SMIM31: variants seen among roughly 807,000 people sequenced by gnomAD.
SMIM31 encodes the protein small integral membrane protein 31.
At chr4:164,772,430 C>G (rs1321457823) in intron 2 of SMIM31, among the ~76,000 whole-genome samples, 1 of 152,076 alleles carries the variant, frequency 6.6e-6, no homozygotes, top group Non-Finnish European at 1.5e-5. Flanking sequence ...AGATCCAAAC[C>G]GTTATCAGGA....
At chr4:164,772,464 G>A (rs1732817928) in intron 2 of SMIM31, among the ~76,000 whole-genome samples, 1 of 152,258 alleles carries the variant, frequency 6.6e-6, no homozygotes, top group Admixed American at 6.5e-5. Context: ...AGGGCAGAAC[G>A]CGAAGCACTT....
chr4:164,799,979 C>T (rs868246439), intron 2 of SMIM31, among the ~76,000 whole-genome samples: 13 of 152,294 alleles, frequency 8.5e-5, no homozygotes, highest in Middle Eastern at 6.8e-3. Context: ...CTTTAAGGCT[C>T]ACCCAACACA....
intron 2 of SMIM31, among the ~76,000 whole-genome samples, chr4:164,796,139 C>T (rs1183693108): frequency 6.6e-6 from 1 of 152,222 alleles, no homozygotes; most frequent in Admixed American, 6.5e-5. Context: ...AAATCCTCAA[C>T]TAGCCCATCA....
chr4:164,795,863 C>T (rs1733188640), intron 2 of SMIM31, among the ~76,000 whole-genome samples: 1 of 152,132 alleles, frequency 6.6e-6, no homozygotes, highest in African/African-American at 2.4e-5. Flanking sequence ...ACAACCTCTG[C>T]CCTCCAAGAA....
chr4:164,792,801 C>G (rs547498328), intron 2 of SMIM31, among the ~76,000 whole-genome samples: 1 of 152,180 alleles, frequency 6.6e-6, no homozygotes, highest in South Asian at 2.1e-4. Flanking sequence ...AATCTCAAGG[C>G]ACCCTAGTCA....
rs758951225 is a variant in SMIM31 at position 164,768,427 on chromosome 4, C to CAAAAAA, written c.-25-1981_-25-1976dup. On this transcript the variant is annotated intron_variant, in intron 1 of 2. Transcript: ENST00000507311. ...CTGGGTGACGAGCAACAGTACATCTCAAAAAAAAAAAAAAAAGAATGAGGA... is the reference window on the plus strand; with the variant it reads ...CTGGGTGACGAGCAACAGTACATCTCAAAAAAAAAAAAAAAAAAAAAAGAATGAGGA... 3.5e-3 allele frequency among the ~76,000 whole-genome samples: 332 copies of CAAAAAA among 94,574 alleles called. 33 individuals carry two copies. Among genetic ancestry groups the CAAAAAA allele is most frequent in the Non-Finnish European group, 4.6e-3 (226 of 49,004 alleles). 62.0% of individuals were successfully genotyped at this position (94,574 alleles called of 152,430 possible). A position where few individuals can be genotyped will look rare whatever the true frequency, so the allele number is the denominator to read the frequency against.
At chr4:164,798,230 A>ATTT (rs70952644) in intron 2 of SMIM31, among the ~76,000 whole-genome samples, 18 of 146,946 alleles carry the variant, frequency 1.2e-4, no homozygotes, top group East Asian at 4.0e-4. Flanking sequence ...AATGATTTTT[A>ATTT]TTTTTTTTTT....
intron 2 of SMIM31, among the ~76,000 whole-genome samples, chr4:164,798,330 T>C (rs1579075842): frequency 6.6e-6 from 1 of 151,870 alleles, no homozygotes; most frequent in African/African-American, 2.4e-5. Flanking sequence ...GCCTCCTGGG[T>C]TCACGCCATT....
At chr4:164,755,547 AG>A (rs1732549180) in intron 1 of SMIM31, among the ~76,000 whole-genome samples, 6 of 1,824 alleles carry the variant, frequency 3.3e-3, no homozygotes, top group Non-Finnish European at 0.023. Flanking sequence ...AGAGGAGGGG[AG>A]GGGAGGGGAG....
At chr4:164,797,429 T>C (rs1039146187) in intron 2 of SMIM31, among the ~76,000 whole-genome samples, 4 of 151,488 alleles carry the variant, frequency 2.6e-5, no homozygotes, top group Non-Finnish European at 4.4e-5. Context: ...TATATATGTA[T>C]GTATGTATTT....
intron 2 of SMIM31, among the ~76,000 whole-genome samples, chr4:164,795,567 A>C (rs1733179647): frequency 6.6e-6 from 1 of 150,654 alleles, no homozygotes. Flanking sequence ...TCAAAAAAAA[A>C]AAAAAAAAAA....
chr4:164,754,551 A>ATTT (rs57916805), intron 1 of SMIM31, 140 bp downstream of exon 1: 602 of 55,474 alleles, frequency 0.011, 7 homozygotes, highest in African/African-American at 0.026. Flanking sequence ...TCCTGGAGGT[A>ATTT]TTTTTTTTTT....
intron 2 of SMIM31, among the ~76,000 whole-genome samples, chr4:164,774,443 A>G (rs1732855120): frequency 6.6e-6 from 1 of 152,202 alleles, no homozygotes; most frequent in Admixed American, 6.5e-5. Context: ...CCTATCCAAT[A>G]AAGAAGAGAT....
intron 2 of SMIM31, among the ~76,000 whole-genome samples, chr4:164,774,994 T>C (rs2110938388): frequency 6.6e-6 from 1 of 152,336 alleles, no homozygotes; most frequent in South Asian, 2.1e-4. Context: ...TCTACTTACT[T>C]GTAGGAAATG....
At chr4:164,758,622 CTTTTTTTG>C (rs1732598819) in intron 1 of SMIM31, among the ~76,000 whole-genome samples, 1 of 105,390 alleles carries the variant, frequency 9.5e-6, no homozygotes, top group Non-Finnish European at 1.9e-5. Flanking sequence ...TGTAGTTTTC[CTTTTTTTG>C]TTTTTTTTTT....
At chr4:164,773,902 C>T (rs1368043842) in intron 2 of SMIM31, among the ~76,000 whole-genome samples, 1 of 152,142 alleles carries the variant, frequency 6.6e-6, no homozygotes, top group African/African-American at 2.4e-5. Context: ...TGCGGTGGCT[C>T]ACGCCTGTAA....
intron 2 of SMIM31, among the ~76,000 whole-genome samples, chr4:164,792,451 T>C (rs967149177): frequency 1.3e-5 from 2 of 152,194 alleles, no homozygotes; most frequent in African/African-American, 4.8e-5. Flanking sequence ...TTTCACAGTT[T>C]ATTTAATTAA....
intron 1 of SMIM31, among the ~76,000 whole-genome samples, chr4:164,762,379 C>A (rs1732662004): frequency 6.6e-6 from 1 of 151,964 alleles, no homozygotes; most frequent in Non-Finnish European, 1.5e-5. Flanking sequence ...CTAATTCAAC[C>A]AAGATGACTG....
chr4:164,756,059 G>T (rs2110913103), intron 1 of SMIM31, among the ~76,000 whole-genome samples: 1 of 152,146 alleles, frequency 6.6e-6, no homozygotes, highest in African/African-American at 2.4e-5. Context: ...AAACATTTAG[G>T]AAAGTATATC....
Sources: allele counts gnomAD v4.1 joint callset (sites outside exome capture counted in the v4.1 genomes callset), GRCh38; gene constraint gnomAD v4.1.1; transcripts MANE v1.5; gene names NCBI Gene and HGNC (gene_info 2026-07-23, HGNC 2026-07-21).